The following TRPC3 variants were observed in gnomAD, a reference collection of about 807,000 sequenced individuals.
The protein encoded by TRPC3 is short transient receptor potential channel 3.
TRPC3 carries 54 observed loss-of-function variants against 90.9 expected under a neutral mutation model. The observed-to-expected ratio is 0.59, with a 90% CI of 0.48 to 0.75. TRPC3 has a LOEUF of 0.75. Among genes scored for constraint, TRPC3 ranks in the 30% least tolerant of loss-of-function variants. TRPC3 has a pLI of 0.00. For missense variants in TRPC3, 918 were observed against 1,194.5 expected (o/e 0.77, Z 3.41); for synonymous variants, 424 against 450.9 (o/e 0.94, Z 0.75).
chr4:121,883,067 C>G (rs1727996886), intron 10 of TRPC3, among the ~76,000 whole-genome samples: 1 of 151,994 alleles, frequency 6.6e-6, no homozygotes, highest in East Asian at 1.9e-4. Flanking sequence ...AAATGCTCTT[C>G]TAGGATAACT....
In TRPC3 at chr4:121,951,596, C is replaced by T. The variant is rs1243567014; in HGVS notation, c.85G>A (p.Glu29Lys). 1 of 1,453,580 alleles carries T rather than the reference C, an allele frequency of 6.9e-7. No homozygotes were observed. The highest frequency in any genetic ancestry group is 1.5e-5 in the African/African-American group (1 of 67,730). The allele number at this position is 1,453,580 out of a possible 1,614,324, so 90.0% of individuals were successfully genotyped here. A position where few individuals can be genotyped will look rare whatever the true frequency, so the allele number is the denominator to read the frequency against. ...CGGCGGCGCTGCGGCTCCGCGCCCTCGTCCTCGCCCTCGTCTTCCTCCTCC... is the reference window on the plus strand; with the variant it reads ...CGGCGGCGCTGCGGCTCCGCGCCCTTGTCCTCGCCCTCGTCTTCCTCCTCC... ...PEEEEDEGED[E>K]GAEPQRRRRG... Residue 29 changes from glutamate (E) to lysine (K), a missense_variant, in exon 1 of 12, where the codon GAG (glutamate) becomes AAG (lysine). Coordinates refer to ENST00000379645, the MANE Select transcript of TRPC3 (RefSeq NM_001130698.2). This position sits in a 1 kb window ranked among gnomAD's most constrained non-coding sequence, Gnocchi z 4.4.
rs982350388 is a variant in TRPC3, at chr4:121,952,014, G to A, written c.-334C>T. 6.8e-6 allele frequency among the ~76,000 whole-genome samples: 1 copy of A among 147,530 alleles called. No individual in the cohort carries two copies. The highest frequency in any genetic ancestry group is 1.5e-5 in the Non-Finnish European group (1 of 66,872). On this transcript the variant is annotated 5_prime_UTR_variant, in exon 1 of 12. In the 5' UTR this introduces an upstream ATG that the reference lacks. Transcript: ENST00000379645. ...CGGCGGCGATGCCTCCTCGGCGCCC[G>A]TCTCCTGTCTCCGACAGCATCACTT...
chr4:121,920,465 A>C (rs1490766437), intron 3 of TRPC3, among the ~76,000 whole-genome samples: 1 of 152,002 alleles, frequency 6.6e-6, no homozygotes, highest in Non-Finnish European at 1.5e-5. Context: ...TGGAGGTTGC[A>C]GTGAGCCAAG....
At position 121,951,194 on chromosome 4, in the gene TRPC3, C is replaced by A. The variant is rs1039478859; in HGVS notation, c.215+272G>T. ...AGGATGCTTGTCTGAAGTCAGTGTGCCCGCCTGCGGGCTGTTCCGTGTGCT... is the reference window on the plus strand; with the variant it reads ...AGGATGCTTGTCTGAAGTCAGTGTGACCGCCTGCGGGCTGTTCCGTGTGCT... On this transcript the variant is annotated intron_variant, in intron 1 of 11. Transcript: ENST00000379645. This position sits in a 1 kb window ranked among gnomAD's most constrained non-coding sequence, Gnocchi z 4.4. 3.3e-5 allele frequency among the ~76,000 whole-genome samples: 5 copies of A among 152,282 alleles called. 1 individual carries two copies. The South Asian group carries it at 1.0e-3, about 32-fold the overall frequency.
intron 3 of TRPC3, 145 bp downstream of exon 3, chr4:121,924,873 C>T (rs61545746): frequency 1.1e-6 from 1 of 881,068 alleles, no homozygotes; most frequent in Non-Finnish European, 1.6e-6. Context: ...AATTTTGTTT[C>T]TTTTTTGTAC....
rs1181271379 is a variant in TRPC3 at position 121,951,860 on chromosome 4, T to C, written c.-180A>G. Reference sequence around the variant, plus strand: ...GGCCCGCGATCCAGCAGTTAGAGGCTAGCGCCGAAGCCGAGCTGCCGCCGC... The same window carrying C: ...GGCCCGCGATCCAGCAGTTAGAGGCCAGCGCCGAAGCCGAGCTGCCGCCGC... On this transcript the variant is annotated 5_prime_UTR_variant, in exon 1 of 12. Coordinates refer to ENST00000379645, the MANE Select transcript of TRPC3 (RefSeq NM_001130698.2). The surrounding 1 kb of genome is among the most constrained non-coding windows in gnomAD (Gnocchi z 4.4). 2 of 421,284 alleles carry C rather than the reference T, an allele frequency of 4.7e-6. No homozygotes were observed. The highest frequency in any genetic ancestry group is 8.0e-6 in the Non-Finnish European group (2 of 250,614). The allele number at this position is 421,284 out of a possible 1,614,324, so 26.1% of individuals were successfully genotyped here.
At chr4:121,936,342 A>C (rs1267634260) in intron 1 of TRPC3, among the ~76,000 whole-genome samples, 1 of 152,184 alleles carries the variant, frequency 6.6e-6, no homozygotes, top group Admixed American at 6.5e-5. Context: ...AGCTCTAGTA[A>C]TGTTAACACT....
In TRPC3 at chr4:121,932,565, C is replaced by A; in HGVS notation, c.693G>T (p.Ser231=). The A allele has an allele frequency of 6.2e-7, 1 of 1,614,224 alleles. No individual in the cohort carries two copies. Among genetic ancestry groups the A allele is most frequent in the Non-Finnish European group, 8.5e-7 (1 of 1,180,038 alleles). ...CCAGGATGATGGGGGTGATGTCCGG[C>A]GAGAAGCGCGTGCCGTCCTCGTCGT... The part of the protein sequence containing the change: ...YAYDEDGTRF[S]PDITPIILAA... Residue 231 remains serine, a synonymous_variant, in exon 2 of 12, where the codon TCG becomes TCT. Coordinates refer to ENST00000379645, the MANE Select transcript of TRPC3 (RefSeq NM_001130698.2). This position sits in a 1 kb window ranked among gnomAD's most constrained non-coding sequence, Gnocchi z 7.7.
chr4:121,892,515 T>A (rs1016347465), intron 10 of TRPC3, among the ~76,000 whole-genome samples: 1 of 152,140 alleles, frequency 6.6e-6, no homozygotes, highest in South Asian at 2.1e-4. Flanking sequence ...AGTAATACGA[T>A]GGAAAAAGCC....
intron 8 of TRPC3, 31 bp from the exon 9 acceptor site, chr4:121,903,092 T>C (rs1236810075): frequency 3.2e-6 from 5 of 1,560,414 alleles, no homozygotes; most frequent in Non-Finnish European, 4.3e-6. Flanking sequence ...AAAAAACTAA[T>C]TTTAAATGCT....
intron 5 of TRPC3, 66 bp from the exon 6 acceptor site, chr4:121,910,453 G>T: frequency 7.7e-7 from 1 of 1,300,694 alleles, no homozygotes. Flanking sequence ...CCATTATTGT[G>T]TCCACCATCA....
At chr4:121,899,786 G>T in intron 9 of TRPC3, 91 bp from the exon 10 acceptor site, 1 of 972,530 alleles carries the variant, frequency 1.0e-6, no homozygotes. Flanking sequence ...TAACATTTCT[G>T]GAGTCAACAT....
At position 121,951,931 on chromosome 4, in the gene TRPC3, G is replaced by A. The variant is rs1353270726; in HGVS notation, c.-251C>T. On this transcript the variant is annotated 5_prime_UTR_variant, in exon 1 of 12. Coordinates refer to ENST00000379645, the MANE Select transcript of TRPC3 (RefSeq NM_001130698.2). This position sits in a 1 kb window ranked among gnomAD's most constrained non-coding sequence, Gnocchi z 4.4. ...CAGCTGCCGCGGCCGTGGCTGCGACGAGGAAGCCCGGGGCCGAGCGGGGCT... is the reference window on the plus strand; with the variant it reads ...CAGCTGCCGCGGCCGTGGCTGCGACAAGGAAGCCCGGGGCCGAGCGGGGCT... Among the ~76,000 whole-genome samples, 2 of 152,036 alleles carry A rather than the reference G, an allele frequency of 1.3e-5. No individual in the cohort carries two copies. Among genetic ancestry groups the A allele is most frequent in the South Asian group, 2.1e-4 (1 of 4,822 alleles).
intron 1 of TRPC3, among the ~76,000 whole-genome samples, chr4:121,941,557 G>C (rs1249341536): frequency 6.6e-6 from 1 of 152,178 alleles, no homozygotes; most frequent in Non-Finnish European, 1.5e-5. Context: ...ATTGGAAATG[G>C]TAATGAGGGT....
chr4:121,908,354 C>T (rs1307869777), intron 6 of TRPC3, among the ~76,000 whole-genome samples: 1 of 152,178 alleles, frequency 6.6e-6, no homozygotes, highest in Non-Finnish European at 1.5e-5. Flanking sequence ...AACTACCATT[C>T]AACCCAGCAA....
In TRPC3 at chr4:121,902,945, A is replaced by T. The variant is rs1387573815; in HGVS notation, c.2370T>A (p.Val790=). The T allele has an allele frequency of 1.9e-6, 3 of 1,613,468 alleles. No homozygotes were observed. Among genetic ancestry groups the T allele is most frequent in the Non-Finnish European group, 2.5e-6 (3 of 1,179,786 alleles). The change falls in exon 9 of 12, where the codon GTT becomes GTA. Residue 790 remains valine, a synonymous_variant. Coordinates refer to ENST00000379645, the MANE Select transcript of TRPC3 (RefSeq NM_001130698.2). ...FSLVPSPKSF[V]YFIMRIVNFP... ...AGTTAACAATTCGCATGATGAAATAAACAAATGATTTTGGACTAGGAACTA... is the reference window on the plus strand; with the variant it reads ...AGTTAACAATTCGCATGATGAAATATACAAATGATTTTGGACTAGGAACTA...
chr4:121,905,445 G>A (rs922317220), intron 7 of TRPC3, among the ~76,000 whole-genome samples: 3 of 152,016 alleles, frequency 2.0e-5, no homozygotes, highest in South Asian at 2.1e-4. Flanking sequence ...TGTACTTCCC[G>A]ATTCTTCCAC....
In TRPC3 at chr4:121,917,683, G is replaced by T. The variant is rs549326528; in HGVS notation, c.1177-2739C>A. On this transcript the variant is annotated intron_variant, in intron 3 of 11. Coordinates refer to ENST00000379645, the MANE Select transcript of TRPC3 (RefSeq NM_001130698.2). ...TTAAAAGAGTCTTAATTTGAATGTT[G>T]GTACAAGTATCTTGATATTTGGAGG... is the stretch of plus-strand genomic sequence containing the variant. Among the ~76,000 whole-genome samples the T allele has an allele frequency of 2.6e-5, 4 of 152,268 alleles. No homozygotes were observed. In the South Asian group the frequency reaches 8.3e-4, roughly 32 times the overall value.
At chr4:121,916,514 G>C (rs181667520) in intron 3 of TRPC3, among the ~76,000 whole-genome samples, 8 of 152,264 alleles carry the variant, frequency 5.3e-5, no homozygotes, top group Non-Finnish European at 8.8e-5. Context: ...CTAGGCTTTT[G>C]GGAGGTAATT....
Sources: gnomAD v4.1 joint callset for allele counts (sites outside exome capture counted in the v4.1 genomes callset) on GRCh38, gnomAD v4.1.1 for gene constraint, Gnocchi (gnomAD v3.1) non-coding constraint, MANE v1.5 for transcripts, NCBI Gene and HGNC (gene_info 2026-07-23, HGNC 2026-07-21) for gene names.